Variants in KCNQ4 observed in about 807,000 individuals in gnomAD.
The protein encoded by KCNQ4 is potassium voltage-gated channel subfamily Q member 4.
KCNQ4 carries 31 observed loss-of-function variants against 72.6 expected under a neutral mutation model. The ratio of observed to expected loss-of-function variants is 0.43; its 90% CI spans 0.32 to 0.58. The LOEUF (loss-of-function observed/expected upper bound fraction) is 0.58, where lower values mean the gene tolerates loss of function less well. Ranked by LOEUF, KCNQ4 falls within the 20% of genes least tolerant of loss-of-function variation. The pLI is 0.08. For synonymous variants in KCNQ4, 405 were observed against 403.7 expected, an observed-to-expected ratio of 1.00 and a Z score of -0.04; for missense variants, 869 against 962.6, an observed-to-expected ratio of 0.90 and a Z score of 1.29.
intron 9 of KCNQ4, among the ~76,000 whole-genome samples, chr1:40,825,311 C>T (rs114374518): frequency 0.015 from 2,234 of 152,210 alleles, 63 homozygotes; most frequent in African/African-American, 0.052. Context: ...GCAGGGGAGG[C>T]GTGGTGGAAG....
chr1:40,823,334 CTAGAT>C (rs561097121), intron 8 of KCNQ4, among the ~76,000 whole-genome samples: 186 of 152,128 alleles, frequency 1.2e-3, no homozygotes, highest in African/African-American at 4.1e-3. Flanking sequence ...GGGAAGGTGA[CTAGAT>C]TAGAAGAGAG....
At chr1:40,828,149 C>T (rs888619546) in intron 9 of KCNQ4, among the ~76,000 whole-genome samples, 42 of 152,228 alleles carry the variant, frequency 2.8e-4, no homozygotes, top group Admixed American at 2.6e-3. Flanking sequence ...TGAGAGTGGC[C>T]CTGGGAGGGC....
rs1183445803 is a variant in KCNQ4 at position 40,817,933 on chromosome 1, G to C, written c.406-231G>C. ...GGCCTGTTGAGGAGCAGAAAAATCC[G>C]ATCAGTTCATGGGGACCGGAAGGGG... On this transcript the variant is annotated intron_variant, in intron 2 of 13. Coordinates refer to ENST00000347132, the MANE Select transcript of KCNQ4 (RefSeq NM_004700.4). This position sits in a 1 kb window ranked among gnomAD's most constrained non-coding sequence, Gnocchi z 5.5. Among the ~76,000 whole-genome samples the C allele has an allele frequency of 6.6e-6, 1 of 152,174 alleles. No homozygotes were observed. The highest frequency in any genetic ancestry group is 1.5e-5 in the Non-Finnish European group (1 of 68,028).
intron 9 of KCNQ4, among the ~76,000 whole-genome samples, chr1:40,824,966 T>C (rs550147673): frequency 1.4e-4 from 22 of 152,214 alleles, no homozygotes; most frequent in Non-Finnish European, 2.4e-4. Flanking sequence ...TGAAGCTTTT[T>C]ACAAAATCTT....
chr1:40,825,603 G>A (rs192320969), intron 9 of KCNQ4, among the ~76,000 whole-genome samples: 5 of 152,024 alleles, frequency 3.3e-5, no homozygotes, highest in East Asian at 1.9e-4. Context: ...GAGGGGAAGC[G>A]TGACTGCCAG....
chr1:40,797,277 A>G (rs772227211), intron 1 of KCNQ4, among the ~76,000 whole-genome samples: 3 of 152,236 alleles, frequency 2.0e-5, no homozygotes, highest in African/African-American at 4.8e-5. Flanking sequence ...GGCTTCCCAG[A>G]GGAAGAGGCT....
At chr1:40,805,255 CT>C (rs748026230) in intron 1 of KCNQ4, 6 of 152,224 alleles carry the variant, frequency 3.9e-5, no homozygotes, top group Non-Finnish European at 5.9e-5. Flanking sequence ...CTCCTCCCCT[CT>C]CCCCCACCAT....
rs373557228 is a variant in KCNQ4, at chr1:40,821,961, T to G, written c.1042-353T>G. ...GTAGGCAAGTAGTGTTACATGCGTTTTACAGGTGAAGAAACTGAGGTCCTG... is the reference window on the plus strand; with the variant it reads ...GTAGGCAAGTAGTGTTACATGCGTTGTACAGGTGAAGAAACTGAGGTCCTG... On this transcript the variant is annotated intron_variant, in intron 7 of 13. Coordinates refer to ENST00000347132, the MANE Select transcript of KCNQ4 (RefSeq NM_004700.4). 3.5e-4 allele frequency among the ~76,000 whole-genome samples: 54 copies of G among 152,314 alleles called. 1 individual carries two copies. The South Asian group carries it at 0.011, about 31-fold the overall frequency.
chr1:40,790,532 CT>C, intron 1 of KCNQ4, among the ~76,000 whole-genome samples: 1 of 152,312 alleles, frequency 6.6e-6, no homozygotes, highest in South Asian at 2.1e-4. Flanking sequence ...ATGAGAGTGT[CT>C]GACTTACATT....
At chr1:40,790,141 G>A (rs1279720926) in intron 1 of KCNQ4, among the ~76,000 whole-genome samples, 1 of 152,196 alleles carries the variant, frequency 6.6e-6, no homozygotes, top group Non-Finnish European at 1.5e-5. Flanking sequence ...ACAGATCTGC[G>A]TTCCTTCCTG....
rs80358269 is a variant in KCNQ4, at chr1:40,818,620, C to T, written c.648C>T (p.Arg216=). The change falls in exon 4 of 14, where the codon CGC becomes CGT. Residue 216 remains arginine, a synonymous_variant. Transcript: ENST00000347132. The part of the protein sequence containing the change: ...MRFLQILRMV[R]MDRRGGTWKL... ...TCCTGCAGATCCTGCGCATGGTGCG[C>T]ATGGACCGCCGCGGCGGCACCTGGA... is the stretch of plus-strand genomic sequence containing the variant. 45 of 1,606,864 alleles carry T rather than the reference C, an allele frequency of 2.8e-5. No individual in the cohort carries two copies. The East Asian group carries it at 9.1e-4, about 33-fold the overall frequency.
intron 1 of KCNQ4, among the ~76,000 whole-genome samples, chr1:40,806,170 A>G (rs1647755250): frequency 6.6e-6 from 1 of 152,236 alleles, no homozygotes. Flanking sequence ...CAAAGCCAGC[A>G]TGTAAAACTG....
intron 10 of KCNQ4, 46 bp from the exon 11 acceptor site, chr1:40,832,968 G>C (rs769083715): frequency 7.2e-7 from 1 of 1,385,116 alleles, no homozygotes; most frequent in East Asian, 2.3e-5. Flanking sequence ...GGGAGGTTGG[G>C]AGTGGCCCCT....
intron 10 of KCNQ4, 92 bp downstream of exon 10, chr1:40,831,396 C>A (rs892497954): frequency 2.1e-5 from 22 of 1,060,424 alleles, no homozygotes; most frequent in Non-Finnish European, 2.8e-5. Context: ...ATCTGGCTCG[C>A]GTCTCAGCTC....
rs759465970 is a variant in KCNQ4, at chr1:40,784,265, C to T, written c.172C>T (p.Leu58Phe). The change falls in exon 1 of 14, where the codon CTC (leucine) becomes TTC (phenylalanine). Residue 58 changes from leucine (L) to phenylalanine (F), a missense_variant. Transcript: ENST00000347132. The surrounding 1 kb of genome is among the most constrained non-coding windows in gnomAD (Gnocchi z 4.1). The part of the protein sequence containing the change: ...LGSPLPPGAP[L>F]PGPGSGSGSA... ...CAGCCCCCTGCCGCCGGGCGCGCCC[C>T]TCCCTGGGCCGGGCTCCGGCTCGGG... The T allele has an allele frequency of 1.4e-6, 2 of 1,458,712 alleles. No homozygotes were observed. Among genetic ancestry groups the T allele is most frequent in the Non-Finnish European group, 9.0e-7 (1 of 1,112,182 alleles). 90.4% of individuals were successfully genotyped at this position (1,458,712 alleles called of 1,614,324 possible).
chr1:40,820,039 C>T (rs1266648990), intron 6 of KCNQ4, 54 bp downstream of exon 6: 1 of 1,555,992 alleles, frequency 6.4e-7, no homozygotes, highest in South Asian at 1.1e-5. Flanking sequence ...GACCTGCTCA[C>T]CCCTGTCACA....
In KCNQ4 at chr1:40,784,668, C is replaced by T; in HGVS notation, c.314+261C>T. Among the ~76,000 whole-genome samples, 1 of 152,228 alleles carries T rather than the reference C, an allele frequency of 6.6e-6. No homozygotes were observed. Among genetic ancestry groups the T allele is most frequent in the East Asian group, 1.9e-4 (1 of 5,184 alleles). On this transcript the variant is annotated intron_variant, in intron 1 of 13. Transcript: ENST00000347132. The surrounding 1 kb of genome is among the most constrained non-coding windows in gnomAD (Gnocchi z 4.1). The stretch of plus-strand genomic sequence containing the variant: ...GCTTATTTCCATCCTGACCGCCAAT[C>T]TCTGCTCCTCTGTCCCAGGTACTCC...
intron 1 of KCNQ4, among the ~76,000 whole-genome samples, chr1:40,807,683 CCTT>C (rs1647806059): frequency 6.6e-6 from 1 of 152,194 alleles, no homozygotes; most frequent in South Asian, 2.1e-4. Flanking sequence ...AGCTGAAGTC[CCTT>C]CTTCGGTATC....
At chr1:40,831,581 G>T (rs961724795) in intron 10 of KCNQ4, among the ~76,000 whole-genome samples, 1 of 152,232 alleles carries the variant, frequency 6.6e-6, no homozygotes, top group Non-Finnish European at 1.5e-5. Context: ...TTGCATCCTG[G>T]CTTTGTCACT....
Sources: allele counts gnomAD v4.1 joint callset (sites outside exome capture counted in the v4.1 genomes callset), GRCh38; gene constraint gnomAD v4.1.1; non-coding constraint Gnocchi (gnomAD v3.1); transcripts MANE v1.5; gene names NCBI Gene and HGNC (gene_info 2026-07-23, HGNC 2026-07-21).